The following KHDRBS2 variants were observed in gnomAD, a reference collection of about 807,000 sequenced individuals.
KHDRBS2 encodes the protein KH domain-containing, RNA-binding, signal transduction-associated protein 2.
Under a neutral mutation model 44.3 loss-of-function variants are expected in KHDRBS2, and 26 were observed. The observed-to-expected ratio is 0.59, with a 90% confidence interval of 0.43 to 0.81. KHDRBS2 has a LOEUF of 0.81. Ranked by LOEUF, KHDRBS2 falls within the 40% of genes least tolerant of loss-of-function variation. The pLI, the probability that KHDRBS2 is intolerant of heterozygous loss-of-function variation, is 0.00. For missense variants in KHDRBS2, 476 were observed against 433.1 expected (o/e 1.10, Z -0.88); for synonymous variants, 194 against 151.1 (o/e 1.28, Z -2.08).
chr6:62,258,911 C>T (rs1436063065), intron 1 of KHDRBS2, among the ~76,000 whole-genome samples: 2 of 151,988 alleles, frequency 1.3e-5, no homozygotes, highest in African/African-American at 4.8e-5. Context: ...GGAGCATACC[C>T]AGTGATGGTA....
At chr6:61,917,352 T>A (rs1315254412) in intron 4 of KHDRBS2, among the ~76,000 whole-genome samples, 1 of 151,890 alleles carries the variant, frequency 6.6e-6, no homozygotes, top group Non-Finnish European at 1.5e-5. Flanking sequence ...TAAATGTATA[T>A]TAAAAGCTTA....
At chr6:61,983,208 CTT>C (rs149013871) in intron 3 of KHDRBS2, among the ~76,000 whole-genome samples, 1 of 44,222 alleles carries the variant, frequency 2.3e-5, no homozygotes, top group African/African-American at 9.2e-5. Context: ...CATTTTCTTT[CTT>C]TCTTTCTTTC....
At chr6:62,099,254 C>T (rs1038535024) in intron 2 of KHDRBS2, among the ~76,000 whole-genome samples, 3 of 152,130 alleles carry the variant, frequency 2.0e-5, no homozygotes, top group African/African-American at 7.2e-5. Flanking sequence ...TTTCACTCTT[C>T]AGAACACAGC....
At chr6:61,965,999 A>G (rs993940086) in intron 4 of KHDRBS2, among the ~76,000 whole-genome samples, 3 of 152,032 alleles carry the variant, frequency 2.0e-5, no homozygotes, top group Admixed American at 2.0e-4. Flanking sequence ...TAGACAGAAA[A>G]GCCTCCTATT....
chr6:62,266,980 T>G (rs147728991), intron 1 of KHDRBS2, among the ~76,000 whole-genome samples: 15 of 152,142 alleles, frequency 9.9e-5, no homozygotes, highest in Non-Finnish European at 1.6e-4. Flanking sequence ...GTTTCAGTGC[T>G]GGGAATTAGT....
the KHDRBS2 span, among the ~76,000 whole-genome samples, chr6:61,552,350 G>T: frequency 6.6e-6 from 1 of 152,050 alleles, no homozygotes; most frequent in Non-Finnish European, 1.5e-5. Context: ...ACTGATTTTT[G>T]TACATTGATT....
At chr6:61,706,929 A>AAAAAACAAAAAC (rs894132698) in intron 7 of KHDRBS2, among the ~76,000 whole-genome samples, 3 of 151,716 alleles carry the variant, frequency 2.0e-5, no homozygotes, top group South Asian at 4.1e-4. Context: ...CTATACAAGT[A>AAAAAACAAAAAC]AAAAACAAAA....
At chr6:62,148,261 A>G (rs1411655109) in intron 2 of KHDRBS2, among the ~76,000 whole-genome samples, 1 of 152,042 alleles carries the variant, frequency 6.6e-6, no homozygotes. Flanking sequence ...ATAAATAAAA[A>G]TAACAAGGCC....
intron 2 of KHDRBS2, among the ~76,000 whole-genome samples, chr6:62,078,477 C>G (rs556418386): frequency 1.3e-5 from 2 of 151,696 alleles, no homozygotes; most frequent in East Asian, 3.9e-4. Context: ...GATTTTACCT[C>G]TAGGAAGGGA....
At chr6:61,935,290 C>T (rs1810824601) in intron 4 of KHDRBS2, among the ~76,000 whole-genome samples, 1 of 152,144 alleles carries the variant, frequency 6.6e-6, no homozygotes, top group Non-Finnish European at 1.5e-5. Context: ...GCTCATTTAT[C>T]CTTCTTTTTC....
At chr6:62,235,934 T>C (rs1833632926) in intron 1 of KHDRBS2, among the ~76,000 whole-genome samples, 1 of 152,108 alleles carries the variant, frequency 6.6e-6, no homozygotes, top group South Asian at 2.1e-4. Context: ...TCACATTATT[T>C]GCCTCAAATA....
the KHDRBS2 span, among the ~76,000 whole-genome samples, chr6:61,602,479 A>C: frequency 6.6e-6 from 1 of 152,066 alleles, no homozygotes; most frequent in Non-Finnish European, 1.5e-5. Flanking sequence ...TGGACTGTTC[A>C]ACTCACCTGG....
At chr6:61,812,732 A>T (rs1788319251) in intron 6 of KHDRBS2, among the ~76,000 whole-genome samples, 2 of 152,080 alleles carry the variant, frequency 1.3e-5, no homozygotes, top group African/African-American at 4.8e-5. Context: ...CAGAATAAAT[A>T]CATATTTAAT....
rs1048005622 is a variant in KHDRBS2 at position 61,680,698 on chromosome 6, A to G, written c.*265T>C. Reference sequence around the variant, plus strand: ...TTACACACAACAATGAAAAACAACCAAGAGAATATCATCCTACTGAAAGGT... The same window carrying G: ...TTACACACAACAATGAAAAACAACCGAGAGAATATCATCCTACTGAAAGGT... On this transcript the variant is annotated 3_prime_UTR_variant, in exon 9 of 9. Coordinates refer to ENST00000281156, the MANE Select transcript of KHDRBS2 (RefSeq NM_152688.4). The G allele has an allele frequency of 1.3e-4, 36 of 280,804 alleles. No individual in the cohort carries two copies. The highest frequency in any genetic ancestry group is 2.0e-4 in the Non-Finnish European group (30 of 151,614). The allele number at this position is 280,804 out of a possible 1,614,324, so 17.4% of individuals were successfully genotyped here.
chr6:61,559,641 A>T, the KHDRBS2 span, among the ~76,000 whole-genome samples: 1 of 152,168 alleles, frequency 6.6e-6, no homozygotes, highest in African/African-American at 2.4e-5. Flanking sequence ...CACTATTTTA[A>T]ACTCATGACA....
Position 61,913,260 on chromosome 6 carries a change from T to C in KHDRBS2, c.484-11889A>G, listed in dbSNP as rs139971223. Among the ~76,000 whole-genome samples the C allele has an allele frequency of 2.5e-3, 377 of 152,088 alleles. 3 individuals are homozygous for C. The highest frequency in any genetic ancestry group is 8.5e-3 in the African/African-American group (352 of 41,506). ...AGAAGTGGAGATCAGCTAAAGGAAATTCAGTTTTAATCAATATCTAGATAC... is the reference window on the plus strand; with the variant it reads ...AGAAGTGGAGATCAGCTAAAGGAAACTCAGTTTTAATCAATATCTAGATAC... On this transcript the variant is annotated intron_variant, in intron 4 of 8. Coordinates refer to ENST00000281156, the MANE Select transcript of KHDRBS2 (RefSeq NM_152688.4).
intron 1 of KHDRBS2, among the ~76,000 whole-genome samples, chr6:62,237,060 A>T (rs1833817712): frequency 1.3e-5 from 2 of 152,194 alleles, no homozygotes; most frequent in Admixed American, 1.3e-4. Flanking sequence ...ATGATGGCTT[A>T]CTTCCTCACT....
intron 3 of KHDRBS2, among the ~76,000 whole-genome samples, chr6:62,008,924 TTA>T (rs1246143378): frequency 1.3e-5 from 2 of 152,172 alleles, no homozygotes; most frequent in Admixed American, 6.5e-5. Flanking sequence ...AGGTATGTCT[TTA>T]TCAGTAGTGT....
intron 2 of KHDRBS2, among the ~76,000 whole-genome samples, chr6:62,063,570 A>AGT (rs1792648795): frequency 6.6e-6 from 1 of 151,754 alleles, no homozygotes; most frequent in Non-Finnish European, 1.5e-5. Flanking sequence ...CCTTTGACAA[A>AGT]ATTCAACAAC....
Sources: allele counts gnomAD v4.1 joint callset (sites outside exome capture counted in the v4.1 genomes callset), GRCh38; gene constraint gnomAD v4.1.1; transcripts MANE v1.5; gene names NCBI Gene and HGNC (gene_info 2026-07-23, HGNC 2026-07-21).